PPP4R4: variants seen among roughly 807,000 people sequenced by gnomAD.
PPP4R4 encodes serine/threonine-protein phosphatase 4 regulatory subunit 4.
PPP4R4 carries 70 observed loss-of-function variants against 121.8 expected under a neutral mutation model. That is an observed-to-expected ratio of 0.57 (90% CI 0.47 to 0.70). The LOEUF (loss-of-function observed/expected upper bound fraction) is 0.70. Among genes scored for constraint, PPP4R4 ranks in the 30% least tolerant of loss-of-function variants. The pLI is 0.00. For missense variants in PPP4R4, 875 were observed against 1,033.6 expected (o/e 0.85, Z 2.10); for synonymous variants, 348 against 355.7 (o/e 0.98, Z 0.24).
chr14:94,218,090 G>T (rs1238168221), intron 3 of PPP4R4, among the ~76,000 whole-genome samples: 1 of 152,162 alleles, frequency 6.6e-6, no homozygotes. Context: ...TCTGGTGAAA[G>T]AATCAGTGAA....
In PPP4R4 at chr14:94,244,620, A is replaced by T; in HGVS notation, c.1267-15A>T. On this transcript the variant is annotated splice_polypyrimidine_tract_variant and intron_variant, in intron 11 of 24. Transcript: ENST00000304338. ...AGTACTCTCAAATCTGAGAGACTTTATTGCTATATTTTAGGTATCTAAGCT... is the reference window on the plus strand; with the variant it reads ...AGTACTCTCAAATCTGAGAGACTTTTTTGCTATATTTTAGGTATCTAAGCT... 6.8e-7 allele frequency: 1 copy of T among 1,473,248 alleles called. No individual in the cohort carries two copies. The highest frequency in any genetic ancestry group is 9.2e-7 in the Non-Finnish European group (1 of 1,089,082). The allele number at this position is 1,473,248 out of a possible 1,614,324, so 91.3% of individuals were successfully genotyped here.
At chr14:94,270,963 A>G (rs1894295061) in intron 23 of PPP4R4, among the ~76,000 whole-genome samples, 1 of 152,040 alleles carries the variant, frequency 6.6e-6, no homozygotes, top group South Asian at 2.1e-4. Flanking sequence ...ACTCAATTCA[A>G]AACTCACAGA....
At position 94,179,522 on chromosome 14, in the gene PPP4R4, A is replaced by G. The variant is rs147649182; in HGVS notation, c.191+3395A>G. Among the ~76,000 whole-genome samples the G allele has an allele frequency of 2.5e-3, 385 of 152,280 alleles. 3 individuals carry two copies. Among genetic ancestry groups the G allele is most frequent in the African/African-American group, 8.9e-3 (368 of 41,552 alleles). ...TAATTCTTCACTTTTTGATTCAGTC[A>G]TGCTGGCCTTTTCACTGTTACTCAG... is the stretch of plus-strand genomic sequence containing the variant. On this transcript the variant is annotated intron_variant, in intron 2 of 24. Transcript: ENST00000304338.
At chr14:94,206,006 T>A (rs936156558) in intron 2 of PPP4R4, among the ~76,000 whole-genome samples, 3 of 152,042 alleles carry the variant, frequency 2.0e-5, no homozygotes, top group African/African-American at 7.2e-5. Context: ...ATTCTTGAGT[T>A]CTTCTATATC....
chr14:94,257,639 A>G (rs997829789), intron 17 of PPP4R4, among the ~76,000 whole-genome samples: 1 of 78,520 alleles, frequency 1.3e-5, no homozygotes, highest in Non-Finnish European at 2.5e-5. Context: ...ATGCATTTAA[A>G]TCTACACACA....
At chr14:94,215,638 T>C (rs2139472690) in intron 3 of PPP4R4, among the ~76,000 whole-genome samples, 1 of 152,288 alleles carries the variant, frequency 6.6e-6, no homozygotes, top group African/African-American at 2.4e-5. Flanking sequence ...AGAGGTCTTG[T>C]GGTTTAGGAA....
intron 2 of PPP4R4, among the ~76,000 whole-genome samples, chr14:94,197,126 T>C (rs371271975): frequency 2.0e-4 from 30 of 152,308 alleles, no homozygotes; most frequent in African/African-American, 7.2e-4. Flanking sequence ...CCTGTACTTT[T>C]ATGTGGACCT....
Position 94,174,389 on chromosome 14 carries a change from G to A in PPP4R4, c.-77G>A. The A allele has an allele frequency of 7.9e-7, 1 of 1,265,968 alleles. No individual in the cohort carries two copies. The highest frequency in any genetic ancestry group is 1.0e-6 in the Non-Finnish European group (1 of 989,874). 78.4% of individuals were successfully genotyped at this position (1,265,968 alleles called of 1,614,324 possible). On this transcript the variant is annotated 5_prime_UTR_variant, in exon 1 of 25. In the 5' UTR this introduces an upstream ATG that the reference lacks. Transcript: ENST00000304338. ...CCAAGAGCCGGAGAAAGTCCTGCTG[G>A]TGGGCGGCCGCGGGGCTGAGGGCGT...
chr14:94,217,114 G>T (rs1891062403), intron 3 of PPP4R4, among the ~76,000 whole-genome samples: 1 of 152,158 alleles, frequency 6.6e-6, no homozygotes, highest in Admixed American at 6.5e-5. Context: ...AGATATCTGA[G>T]AATACTCTAC....
At chr14:94,236,424 G>T (rs1892357160) in intron 7 of PPP4R4, among the ~76,000 whole-genome samples, 1 of 152,056 alleles carries the variant, frequency 6.6e-6, no homozygotes, top group South Asian at 2.1e-4. Context: ...CTTTGGATTT[G>T]TTCTATCACA....
chr14:94,270,816 G>A (rs1353944142), intron 23 of PPP4R4, among the ~76,000 whole-genome samples: 1 of 151,880 alleles, frequency 6.6e-6, no homozygotes, highest in Non-Finnish European at 1.5e-5. Flanking sequence ...TACTCGGGAG[G>A]CTGAGACAGG....
intron 24 of PPP4R4, among the ~76,000 whole-genome samples, chr14:94,277,168 G>A: frequency 6.6e-6 from 1 of 152,164 alleles, no homozygotes; most frequent in Non-Finnish European, 1.5e-5. Flanking sequence ...AGCTGTGGTG[G>A]CATGTGCCTG....
At chr14:94,233,291 A>ATATATGG (rs1206832990) in intron 5 of PPP4R4, among the ~76,000 whole-genome samples, 2 of 152,226 alleles carry the variant, frequency 1.3e-5, no homozygotes, top group African/African-American at 4.8e-5. Flanking sequence ...ATACATATAA[A>ATATATGG]AATTAATCTA....
intron 19 of PPP4R4, among the ~76,000 whole-genome samples, chr14:94,260,403 G>T (rs939429659): frequency 6.6e-6 from 1 of 152,098 alleles, no homozygotes; most frequent in Non-Finnish European, 1.5e-5. Flanking sequence ...ACCAGCCTGG[G>T]TGACAGAGTG....
In PPP4R4 at chr14:94,278,746, G is replaced by T. The variant is rs112952829; in HGVS notation, c.*103G>T. 3.1e-5 allele frequency: 30 copies of T among 974,226 alleles called. No homozygotes were observed. Among genetic ancestry groups the T allele is most frequent in the African/African-American group, 1.2e-4 (7 of 57,100 alleles). 60.3% of individuals were successfully genotyped at this position (974,226 alleles called of 1,614,324 possible). On this transcript the variant is annotated 3_prime_UTR_variant, in exon 25 of 25. Transcript: ENST00000304338. ...CTGGGGCTTTGTTTTTAAATTTTGG[G>T]TTTTTTTTTTTGTTGTTGTTAATGA...
intron 11 of PPP4R4, among the ~76,000 whole-genome samples, chr14:94,242,859 A>G (rs1162990326): frequency 2.0e-5 from 3 of 152,196 alleles, no homozygotes; most frequent in Admixed American, 2.0e-4. Flanking sequence ...TATTATGACT[A>G]TAAAGTAAGA....
chr14:94,235,688 C>T (rs539168079), intron 7 of PPP4R4, among the ~76,000 whole-genome samples: 6 of 152,056 alleles, frequency 3.9e-5, no homozygotes, highest in East Asian at 1.9e-4. Flanking sequence ...TGTGAGCCAC[C>T]GCGCCCAGCT....
chr14:94,270,931 ACAAC>A (rs1894291798), intron 23 of PPP4R4, among the ~76,000 whole-genome samples: 1 of 151,272 alleles, frequency 6.6e-6, no homozygotes, highest in Non-Finnish European at 1.5e-5. Flanking sequence ...AAAAAAAACA[ACAAC>A]AACAACAACA....
chr14:94,218,813 G>A (rs1891216763), intron 3 of PPP4R4, among the ~76,000 whole-genome samples: 1 of 152,034 alleles, frequency 6.6e-6, no homozygotes, highest in African/African-American at 2.4e-5. Flanking sequence ...GATAATCTTG[G>A]AAGTAGCCAG....
Sources: allele counts gnomAD v4.1 joint callset (sites outside exome capture counted in the v4.1 genomes callset), GRCh38; gene constraint gnomAD v4.1.1; transcripts MANE v1.5; gene names NCBI Gene and HGNC (gene_info 2026-07-23, HGNC 2026-07-21).